The following RTTN variants were observed in gnomAD, a reference collection of about 807,000 sequenced individuals.
RTTN encodes rotatin.
Under a neutral mutation model 269.2 loss-of-function variants are expected in RTTN, and 182 were observed. The observed-to-expected ratio is 0.68, with a 90% CI of 0.60 to 0.76. The LOEUF is 0.76. Among genes scored for constraint, RTTN ranks in the 30% least tolerant of loss-of-function variants. The pLI is 0.00. For missense variants in RTTN, 2,545 were observed against 2,608.6 expected (o/e 0.98, Z 0.53); for synonymous variants, 1,006 against 963.5 (o/e 1.04, Z -0.82).
At chr18:70,148,682 G>A (rs1336392405) in intron 17 of RTTN, among the ~76,000 whole-genome samples, 2 of 152,188 alleles carry the variant, frequency 1.3e-5, no homozygotes, top group Admixed American at 6.5e-5. Context: ...AACACAGGCT[G>A]ATCTGGCAAG....
intron 40 of RTTN, among the ~76,000 whole-genome samples, chr18:70,040,750 A>C (rs1484774608): frequency 6.6e-6 from 1 of 152,228 alleles, no homozygotes; most frequent in Admixed American, 6.5e-5. Context: ...TAAAACATTC[A>C]AGAAATTGAA....
intron 11 of RTTN, among the ~76,000 whole-genome samples, chr18:70,176,185 G>A (rs924389020): frequency 4.1e-4 from 55 of 134,658 alleles, no homozygotes; most frequent in Non-Finnish European, 7.7e-4. Context: ...ATATGTATAC[G>A]TAGATGTAGA....
chr18:70,159,914 A>G (rs2060781736), intron 14 of RTTN, among the ~76,000 whole-genome samples: 1 of 152,070 alleles, frequency 6.6e-6, no homozygotes, highest in Non-Finnish European at 1.5e-5. Context: ...GTGTTCCTCC[A>G]AAGTTGAATC....
At position 70,057,810 on chromosome 18, in the gene RTTN, G is replaced by T. The variant is rs765050916; in HGVS notation, c.4963C>A (p.Gln1655Lys). ...GCTCTGAGTTCCTGGACACATGTCT[G>T]TATGAGGGTAGCATCTGCAATGCTG... Reference protein sequence around the residue: ...LCSIADATLIQTCVQELRALL... With the variant: ...LCSIADATLIKTCVQELRALL... Residue 1655 changes from glutamine to lysine, a missense_variant, in exon 37 of 49, where the codon CAG becomes AAG. Coordinates refer to ENST00000640769, the MANE Select transcript of RTTN (RefSeq NM_173630.4). 6.2e-7 allele frequency: 1 copy of T among 1,613,528 alleles called. No homozygotes were observed. Among genetic ancestry groups the T allele is most frequent in the South Asian group, 1.1e-5 (1 of 91,042 alleles).
intron 27 of RTTN, among the ~76,000 whole-genome samples, chr18:70,110,885 C>T (rs183405382): frequency 1.1e-4 from 16 of 152,192 alleles, no homozygotes; most frequent in African/African-American, 3.9e-4. Context: ...AGGGGACGGG[C>T]GTCCGCCATT....
chr18:70,121,275 T>A (rs1431838988), intron 26 of RTTN, among the ~76,000 whole-genome samples: 4 of 152,248 alleles, frequency 2.6e-5, no homozygotes, highest in Admixed American at 2.6e-4. Context: ...CCACCTGAAC[T>A]GAAATCCCCA....
intron 11 of RTTN, among the ~76,000 whole-genome samples, chr18:70,172,908 C>T (rs2061180640): frequency 6.6e-6 from 1 of 152,070 alleles, no homozygotes; most frequent in African/African-American, 2.4e-5. Context: ...ATTGTAGCAC[C>T]ACTAATTTTT....
Position 70,150,103 on chromosome 18 carries a change from G to C in RTTN, c.2056-16C>G. On this transcript the variant is annotated splice_polypyrimidine_tract_variant and intron_variant, in intron 15 of 48. Coordinates refer to ENST00000640769, the MANE Select transcript of RTTN (RefSeq NM_173630.4). The stretch of plus-strand genomic sequence containing the variant: ...CAGTGTTCACCTGCTCAACAACACA[G>C]ACCCGATAAACCAGTCAAATGAGAT... 6.5e-7 allele frequency: 1 copy of C among 1,544,074 alleles called. No individual in the cohort carries two copies. The highest frequency in any genetic ancestry group is 9.0e-7 in the Non-Finnish European group (1 of 1,117,130).
At position 70,204,124 on chromosome 18, in the gene RTTN, G is replaced by T. The variant is rs1267134467; in HGVS notation, c.359C>A (p.Pro120His). The T allele has an allele frequency of 1.9e-6, 3 of 1,613,798 alleles. No homozygotes were observed. The African/African-American group carries it at 4.0e-5, about 22-fold the overall frequency. ...DGLFLLPSEV[P>H]ALSSASYQTN... Reference sequence around the variant, plus strand: ...TTGGTATGAGGCAGAAGATAGTGCAGGAACTTCCGAAGGAAGAAGAAAAAG... The same window carrying T: ...TTGGTATGAGGCAGAAGATAGTGCATGAACTTCCGAAGGAAGAAGAAAAAG... The change falls in exon 3 of 49, where the codon CCT becomes CAT. Residue 120 changes from proline (P) to histidine (H), a missense_variant. Physicochemically the swap from Pro to His is moderately conservative, Grantham distance 77. Coordinates refer to ENST00000640769, the MANE Select transcript of RTTN (RefSeq NM_173630.4).
In RTTN at chr18:70,027,451, G is replaced by A. The variant is rs192305396; in HGVS notation, c.5823+1273C>T. Among the ~76,000 whole-genome samples the A allele has an allele frequency of 1.7e-3, 257 of 152,248 alleles. 2 individuals carry two copies. The highest frequency in any genetic ancestry group is 6.1e-3 in the African/African-American group (252 of 41,546). ...ATACAGAAATGCTTTGACTTATTGA[G>A]ATATCACACTTTTGTAAATGGCTAA... On this transcript the variant is annotated intron_variant, in intron 43 of 48. Transcript: ENST00000640769.
At chr18:70,095,518 T>C (rs1196127005) in intron 28 of RTTN, among the ~76,000 whole-genome samples, 1 of 152,204 alleles carries the variant, frequency 6.6e-6, no homozygotes, top group African/African-American at 2.4e-5. Context: ...TCTCAGCATT[T>C]GCTTGTCTGT....
intron 13 of RTTN, 136 bp from the exon 14 acceptor site, chr18:70,166,324 G>C: frequency 2.5e-6 from 2 of 789,146 alleles, no homozygotes; most frequent in Non-Finnish European, 4.0e-6. Flanking sequence ...ACCAATACTA[G>C]CAAGTACTCA....
intron 16 of RTTN, among the ~76,000 whole-genome samples, 186 bp downstream of exon 16, chr18:70,149,785 T>C (rs2060490314): frequency 6.6e-6 from 1 of 152,110 alleles, no homozygotes; most frequent in African/African-American, 2.4e-5. Flanking sequence ...ACAAATTAGC[T>C]ATCCTGGTTT....
At chr18:70,165,178 A>C (rs1394106453) in intron 14 of RTTN, among the ~76,000 whole-genome samples, 1 of 152,176 alleles carries the variant, frequency 6.6e-6, no homozygotes, top group Admixed American at 6.5e-5. Flanking sequence ...AATATTTATC[A>C]TTCAATAAAA....
chr18:70,167,788 A>G (rs2061030013), intron 12 of RTTN, among the ~76,000 whole-genome samples: 1 of 152,130 alleles, frequency 6.6e-6, no homozygotes, highest in Non-Finnish European at 1.5e-5. Flanking sequence ...AGACAGTGGT[A>G]CTAACATGGC....
chr18:70,193,384 G>T lies in RTTN; in HGVS notation c.911C>A (p.Pro304His). Residue 304 changes from proline (P) to histidine (H), a missense_variant, in exon 8 of 49, where the codon CCT becomes CAT. Coordinates refer to ENST00000640769, the MANE Select transcript of RTTN (RefSeq NM_173630.4). The stretch of plus-strand genomic sequence containing the variant: ...CCGAGGGCTGCTGCTTCCTGGGGAA[G>T]GATTCTGGGAATGATGAGTACCTCT... Reference protein sequence around the residue: ...EARGTHHSQNPSPGSSSPRPS... With the variant: ...EARGTHHSQNHSPGSSSPRPS... The T allele has an allele frequency of 6.2e-7, 1 of 1,608,508 alleles. No individual in the cohort carries two copies. The highest frequency in any genetic ancestry group is 8.5e-7 in the Non-Finnish European group (1 of 1,177,768).
intron 37 of RTTN, among the ~76,000 whole-genome samples, chr18:70,057,180 C>A (rs1325046978): frequency 6.6e-6 from 1 of 152,112 alleles, no homozygotes; most frequent in Non-Finnish European, 1.5e-5. Flanking sequence ...ATCTTGTAGC[C>A]CTTCTTAAAA....
rs1229943838 is a variant in RTTN at position 70,190,580 on chromosome 18, A to G, written c.1147T>C (p.Cys383Arg). The G allele has an allele frequency of 1.9e-6, 3 of 1,613,812 alleles. No individual in the cohort carries two copies. The highest frequency in any genetic ancestry group is 2.5e-6 in the Non-Finnish European group (3 of 1,179,800). The change falls in exon 9 of 49, where the codon TGT (cysteine) becomes CGT (arginine). Residue 383 changes from cysteine to arginine, a missense_variant. Coordinates refer to ENST00000640769, the MANE Select transcript of RTTN (RefSeq NM_173630.4). ...QFQQLSLPQF[C>R]VSILESAVPL... The stretch of plus-strand genomic sequence containing the variant: ...ACAGCTGATTCCAGAATGGAGACAC[A>G]AAACTGGGGAAGACTGAGCTGCTGG...
rs1347054635 is a variant in RTTN at position 70,075,427 on chromosome 18, A to G, written c.4489T>C (p.Cys1497Arg). 1 of 1,608,020 alleles carries G rather than the reference A, an allele frequency of 6.2e-7. No homozygotes were observed. Among genetic ancestry groups the G allele is most frequent in the African/African-American group, 1.3e-5 (1 of 74,522 alleles). Residue 1497 changes from cysteine (C) to arginine (R), a missense_variant, in exon 33 of 49, where the codon TGT becomes CGT. Transcript: ENST00000640769. ...TCAAACATACACCGTCCTAGGTAAC[A>G]ATGCTTTACCATCTGATTCAAATGT... ...YEHLNQMVKH[C>R]YLGRCMFDLN... is the part of the protein sequence containing the mutation.
Sources: gnomAD v4.1 joint callset for allele counts (sites outside exome capture counted in the v4.1 genomes callset) on GRCh38, gnomAD v4.1.1 for gene constraint, MANE v1.5 for transcripts, NCBI Gene and HGNC (gene_info 2026-07-23, HGNC 2026-07-21) for gene names.